Variants in RASAL2 observed in about 807,000 individuals in gnomAD.
RASAL2 encodes the protein ras GTPase-activating protein nGAP.
In RASAL2, 58 loss-of-function variants were observed where a neutral mutation model predicts 128.9. That is an observed-to-expected ratio of 0.45 (90% CI 0.36 to 0.56). RASAL2 has a LOEUF of 0.56. RASAL2 is among the 20% of genes least tolerant of loss of function. The probability of loss-of-function intolerance (pLI) is 0.00; values close to 1 mark genes in which losing one functional copy is unlikely to be tolerated. For missense variants in RASAL2, 1,360 were observed against 1,601.6 expected (o/e 0.85, Z 2.57); for synonymous variants, 561 against 580.8 (o/e 0.97, Z 0.49).
Position 178,094,409 on chromosome 1 carries a change from T to C in RASAL2, c.-84T>C, listed in dbSNP as rs1658587966. The C allele has an allele frequency of 2.3e-6, 3 of 1,305,904 alleles. No homozygotes were observed. Among genetic ancestry groups the C allele is most frequent in the African/African-American group, 3.0e-5 (2 of 66,364 alleles). 80.9% of individuals were successfully genotyped at this position (1,305,904 alleles called of 1,614,324 possible). On this transcript the variant is annotated 5_prime_UTR_variant, in exon 1 of 18. Coordinates refer to ENST00000367649, the MANE Select transcript of RASAL2 (RefSeq NM_170692.4). Reference sequence around the variant, plus strand: ...CTGCCCTCGCTGCGCGCTCTCCTCCTCCCCTTACCGCAGGCAGGGCGCGGA... The same window carrying C: ...CTGCCCTCGCTGCGCGCTCTCCTCCCCCCCTTACCGCAGGCAGGGCGCGGA...
chr1:178,326,500 T>A (rs991822263), intron 3 of RASAL2, among the ~76,000 whole-genome samples: 2 of 152,216 alleles, frequency 1.3e-5, no homozygotes, highest in African/African-American at 4.8e-5. Context: ...TTGATTATTG[T>A]ACTAAAAGTT....
chr1:178,290,898 G>A (rs1486320403), intron 2 of RASAL2, among the ~76,000 whole-genome samples: 2 of 151,886 alleles, frequency 1.3e-5, no homozygotes, highest in Non-Finnish European at 2.9e-5. Flanking sequence ...GGATGGTCTC[G>A]ATCTCCTGAC....
intron 2 of RASAL2, among the ~76,000 whole-genome samples, chr1:178,298,911 G>GA (rs150584915): frequency 0.018 from 2,525 of 143,110 alleles, 52 homozygotes; most frequent in East Asian, 0.062. Context: ...AGGATTACCA[G>GA]AAAAAAAAAA....
At chr1:178,257,506 A>G (rs574680902) in intron 1 of RASAL2, among the ~76,000 whole-genome samples, 32 of 151,976 alleles carry the variant, frequency 2.1e-4, no homozygotes, top group Non-Finnish European at 4.0e-4. Context: ...CGACAAGGTT[A>G]TCAAGACCAC....
intron 1 of RASAL2, among the ~76,000 whole-genome samples, chr1:178,264,234 C>T (rs1166787618): frequency 6.6e-6 from 1 of 152,142 alleles, no homozygotes; most frequent in Non-Finnish European, 1.5e-5. Context: ...CTACCCGTTG[C>T]CTCAGCTAGT....
intron 4 of RASAL2, among the ~76,000 whole-genome samples, chr1:178,390,895 G>GT (rs1222948793): frequency 3.3e-5 from 5 of 151,776 alleles, no homozygotes; most frequent in East Asian, 1.9e-4. Flanking sequence ...ACGGGATGTG[G>GT]TTTTTTTTAT....
chr1:178,419,522 A>G (rs964505790), intron 4 of RASAL2, among the ~76,000 whole-genome samples: 1 of 151,962 alleles, frequency 6.6e-6, no homozygotes, highest in Non-Finnish European at 1.5e-5. Flanking sequence ...TCCTGGCCTC[A>G]AGCTATCCTG....
chr1:178,170,767 A>G (rs1478712281), intron 1 of RASAL2, among the ~76,000 whole-genome samples: 1 of 151,770 alleles, frequency 6.6e-6, no homozygotes, highest in African/African-American at 2.4e-5. Flanking sequence ...ATATTTATTC[A>G]TCAGCAATTC....
intron 5 of RASAL2, among the ~76,000 whole-genome samples, chr1:178,437,776 T>G (rs1419793896): frequency 6.6e-6 from 1 of 152,128 alleles, no homozygotes; most frequent in Admixed American, 6.6e-5. Context: ...CTTTCTAACA[T>G]TTAATTATTT....
At chr1:178,336,952 T>C (rs1486993819) in intron 3 of RASAL2, among the ~76,000 whole-genome samples, 1 of 152,128 alleles carries the variant, frequency 6.6e-6, no homozygotes, top group Non-Finnish European at 1.5e-5. Context: ...ATTTTGCTTA[T>C]TATTATTATT....
chr1:178,350,759 C>G (rs1211633813), intron 3 of RASAL2, among the ~76,000 whole-genome samples: 1 of 152,180 alleles, frequency 6.6e-6, no homozygotes, highest in East Asian at 1.9e-4. Flanking sequence ...CTAGAGGCCA[C>G]TGTTATGTCC....
At chr1:178,444,111 C>T (rs1349909043) in intron 8 of RASAL2, among the ~76,000 whole-genome samples, 1 of 152,054 alleles carries the variant, frequency 6.6e-6, no homozygotes, top group Non-Finnish European at 1.5e-5. Context: ...CATTAAAAAG[C>T]TTATGAGTTT....
intron 1 of RASAL2, among the ~76,000 whole-genome samples, chr1:178,245,902 C>A (rs1398451643): frequency 6.6e-6 from 1 of 152,056 alleles, no homozygotes; most frequent in African/African-American, 2.4e-5. Context: ...ATTTCTGACA[C>A]CTCTGTTCTG....
chr1:178,215,032 C>G (rs943207896), intron 1 of RASAL2, among the ~76,000 whole-genome samples: 1 of 152,140 alleles, frequency 6.6e-6, no homozygotes, highest in Non-Finnish European at 1.5e-5. Context: ...TTTCAAACTT[C>G]GTTTTAGCTG....
intron 1 of RASAL2, among the ~76,000 whole-genome samples, chr1:178,220,401 G>A (rs1019335168): frequency 6.6e-6 from 1 of 152,046 alleles, no homozygotes; most frequent in Non-Finnish European, 1.5e-5. Context: ...ATCTTACGTA[G>A]GTTTGTGGTG....
intron 1 of RASAL2, among the ~76,000 whole-genome samples, chr1:178,209,038 T>G (rs544020970): frequency 6.6e-6 from 1 of 152,282 alleles, no homozygotes; most frequent in East Asian, 1.9e-4. Flanking sequence ...TGGTGCATCT[T>G]ATTCAATTTT....
chr1:178,447,962 A>T (rs931366381), intron 9 of RASAL2, among the ~76,000 whole-genome samples: 1 of 152,122 alleles, frequency 6.6e-6, no homozygotes, highest in African/African-American at 2.4e-5. Flanking sequence ...ATATATATTC[A>T]ATTTGAAGTT....
At chr1:178,114,059 A>G (rs1166097779) in intron 1 of RASAL2, among the ~76,000 whole-genome samples, 2 of 150,350 alleles carry the variant, frequency 1.3e-5, no homozygotes, top group African/African-American at 4.9e-5. Context: ...TATTATTTCT[A>G]GTGTTTTTTT....
intron 2 of RASAL2, among the ~76,000 whole-genome samples, chr1:178,291,841 C>A (rs746665714): frequency 6.6e-6 from 1 of 151,942 alleles, no homozygotes; most frequent in Non-Finnish European, 1.5e-5. Context: ...TCGAGACCAG[C>A]CTGACCAATA....
Sources: allele counts gnomAD v4.1 joint callset (sites outside exome capture counted in the v4.1 genomes callset), GRCh38; gene constraint gnomAD v4.1.1; transcripts MANE v1.5; gene names NCBI Gene and HGNC (gene_info 2026-07-23, HGNC 2026-07-21).